TAFA1: variants seen among roughly 807,000 people sequenced by gnomAD.
The protein encoded by TAFA1 is TAFA chemokine like family member 1.
A neutral mutation model predicts 18.5 loss-of-function variants in TAFA1; 4 were observed. That is an observed-to-expected ratio of 0.22 (90% confidence interval 0.11 to 0.49). TAFA1 has a LOEUF of 0.49. TAFA1 is among the 20% of genes least tolerant of loss of function. TAFA1 has a pLI of 0.98. For missense variants in TAFA1, 147 were observed against 169.0 expected (o/e 0.87, Z 0.72); for synonymous variants, 56 against 55.2 (o/e 1.01, Z -0.06).
chr3:68,249,964 C>A (rs950424528), intron 2 of TAFA1, among the ~76,000 whole-genome samples: 1 of 152,108 alleles, frequency 6.6e-6, no homozygotes, highest in East Asian at 1.9e-4. Context: ...TAGCACCAAA[C>A]AATGAAAAAT....
chr3:68,203,433 A>T (rs150015732), intron 2 of TAFA1, among the ~76,000 whole-genome samples: 69 of 151,792 alleles, frequency 4.5e-4, no homozygotes, highest in African/African-American at 1.6e-3. Flanking sequence ...CTGACTTTTC[A>T]AACTATGTGT....
chr3:68,243,697 C>A (rs79321380), intron 2 of TAFA1, among the ~76,000 whole-genome samples: 2 of 152,032 alleles, frequency 1.3e-5, no homozygotes, highest in African/African-American at 2.4e-5. Context: ...AGCCATTCAC[C>A]CATTGAAGGA....
intron 2 of TAFA1, among the ~76,000 whole-genome samples, chr3:68,287,854 T>C (rs1444506903): frequency 6.9e-6 from 1 of 145,362 alleles, no homozygotes; most frequent in Non-Finnish European, 1.5e-5. Context: ...CATTTTTAGA[T>C]CTTTCAACAG....
chr3:68,159,604 C>A (rs913076600), intron 2 of TAFA1, among the ~76,000 whole-genome samples: 5 of 152,020 alleles, frequency 3.3e-5, no homozygotes, highest in Non-Finnish European at 7.4e-5. Flanking sequence ...TAGCCTTTTA[C>A]TTCCTCTTCA....
At chr3:68,307,646 T>C (rs577946985) in intron 2 of TAFA1, among the ~76,000 whole-genome samples, 1 of 152,350 alleles carries the variant, frequency 6.6e-6, no homozygotes, top group South Asian at 2.1e-4. Context: ...TACTATGTGA[T>C]TGTTACTTTC....
chr3:68,177,379 A>G (rs1380153271), intron 2 of TAFA1, among the ~76,000 whole-genome samples: 2 of 152,158 alleles, frequency 1.3e-5, no homozygotes, highest in African/African-American at 2.4e-5. Context: ...GCTCATGGCT[A>G]AAGAGAAAAC....
chr3:68,259,652 C>T (rs1422948460), intron 2 of TAFA1, among the ~76,000 whole-genome samples: 1 of 152,144 alleles, frequency 6.6e-6, no homozygotes, highest in African/African-American at 2.4e-5. Context: ...AGGTCCTTCA[C>T]ATCCCTTGTA....
intron 2 of TAFA1, among the ~76,000 whole-genome samples, chr3:68,254,820 A>G (rs2067267201): frequency 1.3e-5 from 2 of 152,066 alleles, no homozygotes; most frequent in Non-Finnish European, 2.9e-5. Context: ...GAGAGTAATG[A>G]GATTGTTTGA....
At chr3:68,315,053 G>A (rs984719450) in intron 2 of TAFA1, among the ~76,000 whole-genome samples, 4 of 151,946 alleles carry the variant, frequency 2.6e-5, no homozygotes, top group African/African-American at 9.6e-5. Context: ...AATAAGTAAA[G>A]GCTCATGGAA....
At chr3:68,398,750 A>G (rs2070432334) in intron 2 of TAFA1, among the ~76,000 whole-genome samples, 1 of 152,216 alleles carries the variant, frequency 6.6e-6, no homozygotes, top group Admixed American at 6.5e-5. Context: ...CTGAAACTTC[A>G]GTAACTATAT....
chr3:68,255,695 T>A (rs1559580742), intron 2 of TAFA1, among the ~76,000 whole-genome samples: 1 of 152,084 alleles, frequency 6.6e-6, no homozygotes, highest in Non-Finnish European at 1.5e-5. Flanking sequence ...GCCTGTTTGT[T>A]TTATGAAGGA....
chr3:68,436,607 T>C (rs960913226), intron 3 of TAFA1, among the ~76,000 whole-genome samples: 1 of 152,098 alleles, frequency 6.6e-6, no homozygotes, highest in Non-Finnish European at 1.5e-5. Context: ...CATCTAATAA[T>C]GTAGTCCCCA....
At chr3:68,347,485 T>G (rs1458123423) in intron 2 of TAFA1, among the ~76,000 whole-genome samples, 1 of 152,206 alleles carries the variant, frequency 6.6e-6, no homozygotes, top group Non-Finnish European at 1.5e-5. Flanking sequence ...CCTAATGGAT[T>G]TATTTATTTA....
At chr3:68,179,474 A>C (rs2066168417) in intron 2 of TAFA1, among the ~76,000 whole-genome samples, 1 of 152,110 alleles carries the variant, frequency 6.6e-6, no homozygotes, top group Non-Finnish European at 1.5e-5. Context: ...TCCTTTTAAC[A>C]TTGGTCTGCA....
chr3:68,210,048 AG>A (rs1192349121), intron 2 of TAFA1, among the ~76,000 whole-genome samples: 28 of 151,822 alleles, frequency 1.8e-4, no homozygotes, highest in African/African-American at 6.8e-4. Flanking sequence ...GTTTGTAATG[AG>A]CTTGTGTTTG....
intron 2 of TAFA1, among the ~76,000 whole-genome samples, chr3:68,306,995 AG>A (rs2068434826): frequency 6.6e-6 from 1 of 152,210 alleles, no homozygotes; most frequent in Non-Finnish European, 1.5e-5. Context: ...AGCAAGGACT[AG>A]TCAAATATCA....
At chr3:68,180,247 C>T (rs2066180826) in intron 2 of TAFA1, among the ~76,000 whole-genome samples, 1 of 151,612 alleles carries the variant, frequency 6.6e-6, no homozygotes, top group Non-Finnish European at 1.5e-5. Flanking sequence ...ACTATGTTGG[C>T]CAGGCTGGTC....
intron 2 of TAFA1, among the ~76,000 whole-genome samples, chr3:68,216,273 C>G (rs551992841): frequency 3.9e-4 from 60 of 152,082 alleles, no homozygotes; most frequent in African/African-American, 1.4e-3. Flanking sequence ...ACCCATTGAA[C>G]TTGAATGCAC....
At chr3:68,271,115 A>C (rs1391352726) in intron 2 of TAFA1, among the ~76,000 whole-genome samples, 1 of 152,024 alleles carries the variant, frequency 6.6e-6, no homozygotes, top group Non-Finnish European at 1.5e-5. Context: ...AACAGCATCA[A>C]ATTCTACCCC....
Sources: allele counts gnomAD v4.1 joint callset (sites outside exome capture counted in the v4.1 genomes callset), GRCh38; gene constraint gnomAD v4.1.1; transcripts MANE v1.5; gene names NCBI Gene and HGNC (gene_info 2026-07-23, HGNC 2026-07-21).